TASP1: variants seen among roughly 807,000 people sequenced by gnomAD.
TASP1 encodes the protein threonine aspartase 1.
In TASP1, 16 loss-of-function variants were observed where a neutral mutation model predicts 56.6. The ratio of observed to expected loss-of-function variants is 0.28; its 90% CI spans 0.19 to 0.43. The LOEUF is 0.43. Ranked by LOEUF, TASP1 falls within the 20% of genes least tolerant of loss-of-function variation. The pLI is 1.00. For synonymous variants in TASP1, 179 were observed against 184.2 expected (o/e 0.97, Z 0.23); for missense variants, 393 against 511.6 (o/e 0.77, Z 2.24).
At chr20:13,430,470 G>A (rs2042768090) in intron 12 of TASP1, among the ~76,000 whole-genome samples, 1 of 152,168 alleles carries the variant, frequency 6.6e-6, no homozygotes, top group Non-Finnish European at 1.5e-5. Flanking sequence ...AGCAGCTGTT[G>A]GGAGGAAGTC....
At chr20:13,557,572 G>GGTTTTTTTTTTTTTTTT (rs1293106640) in intron 8 of TASP1, among the ~76,000 whole-genome samples, 3 of 99,738 alleles carry the variant, frequency 3.0e-5, no homozygotes, top group Non-Finnish European at 2.0e-5. Flanking sequence ...GATGTTTTTG[G>GGTTTTTTTTTTTTTTTT]TTTTTTTTTT....
chr20:13,425,643 T>C (rs899516654), intron 12 of TASP1, among the ~76,000 whole-genome samples: 1 of 152,160 alleles, frequency 6.6e-6, no homozygotes, highest in Admixed American at 6.6e-5. Context: ...TTAGGTCAAA[T>C]GGCACGCCCT....
At chr20:13,184,606 CA>C in the TASP1 span, among the ~76,000 whole-genome samples, 1 of 152,148 alleles carries the variant, frequency 6.6e-6, no homozygotes, top group Non-Finnish European at 1.5e-5. Flanking sequence ...ACATTGTTGT[CA>C]TGGACTTATG....
chr20:13,174,514 G>A, the TASP1 span, among the ~76,000 whole-genome samples: 2 of 151,954 alleles, frequency 1.3e-5, no homozygotes, highest in Admixed American at 6.6e-5. Flanking sequence ...CCTGGGCAAC[G>A]TGGTAAAACC....
chr20:13,520,305 A>G (rs2044694718), intron 10 of TASP1, among the ~76,000 whole-genome samples: 1 of 152,168 alleles, frequency 6.6e-6, no homozygotes, highest in African/African-American at 2.4e-5. Context: ...AAAAGAGCCC[A>G]CATTGCCAAG....
the TASP1 span, among the ~76,000 whole-genome samples, chr20:13,162,506 G>C: frequency 6.6e-6 from 1 of 152,116 alleles, no homozygotes; most frequent in African/African-American, 2.4e-5. Context: ...AGAGAAAATG[G>C]AAAATGACCC....
the TASP1 span, among the ~76,000 whole-genome samples, chr20:13,125,512 C>G: frequency 1.3e-5 from 2 of 152,190 alleles, no homozygotes; most frequent in Non-Finnish European, 2.9e-5. Flanking sequence ...TGTCTAAAAA[C>G]ACCACCATTT....
At chr20:13,554,584 A>T (rs1291638921) in intron 8 of TASP1, among the ~76,000 whole-genome samples, 1 of 152,184 alleles carries the variant, frequency 6.6e-6, no homozygotes, top group Admixed American at 6.5e-5. Context: ...TTTAAATTAC[A>T]GGCATAACTT....
At chr20:13,370,722 C>A in the TASP1 span, among the ~76,000 whole-genome samples, 2 of 151,950 alleles carry the variant, frequency 1.3e-5, no homozygotes, top group East Asian at 3.9e-4. Context: ...TAGAGTGGAC[C>A]CTAATCCATT....
chr20:13,615,190 G>A (rs956303596), intron 4 of TASP1, among the ~76,000 whole-genome samples: 3 of 152,064 alleles, frequency 2.0e-5, no homozygotes, highest in African/African-American at 7.2e-5. Flanking sequence ...CTCCAGAAAA[G>A]GGAAACATAA....
chr20:13,600,082 C>G (rs918624144), intron 4 of TASP1, among the ~76,000 whole-genome samples: 3 of 151,948 alleles, frequency 2.0e-5, no homozygotes, highest in Non-Finnish European at 4.4e-5. Flanking sequence ...ATAATACATA[C>G]AAGATCTGTA....
chr20:13,271,111 A>G, the TASP1 span, among the ~76,000 whole-genome samples: 2 of 152,256 alleles, frequency 1.3e-5, no homozygotes, highest in Non-Finnish European at 2.9e-5. Flanking sequence ...TGGCCGTTAT[A>G]GGAAAAGGCC....
At chr20:13,437,961 TC>T (rs898484467) in intron 11 of TASP1, among the ~76,000 whole-genome samples, 1 of 152,050 alleles carries the variant, frequency 6.6e-6, no homozygotes, top group African/African-American at 2.4e-5. Context: ...TTCAATGCCA[TC>T]CCCATCAAGC....
chr20:13,631,255 CA>C (rs1261645495), intron 1 of TASP1, among the ~76,000 whole-genome samples: 1 of 152,056 alleles, frequency 6.6e-6, no homozygotes, highest in Non-Finnish European at 1.5e-5. Flanking sequence ...TCGTTGCATT[CA>C]AATATTTATA....
chr20:13,586,174 CAAAAAAAAAA>C (rs35005769), intron 5 of TASP1, among the ~76,000 whole-genome samples: 2 of 53,202 alleles, frequency 3.8e-5, no homozygotes, highest in Admixed American at 2.5e-4. Flanking sequence ...GACTCCATCT[CAAAAAAAAAA>C]AAAAAAAAAA....
chr20:13,468,030 C>CAAAAACAAAAACAAAAACA (rs2044331007), intron 11 of TASP1, among the ~76,000 whole-genome samples: 1 of 140,712 alleles, frequency 7.1e-6, no homozygotes, highest in South Asian at 2.1e-4. Context: ...AAAACAAAAA[C>CAAAAACAAAAACAAAAACA]AAAAACAAAA....
chr20:13,578,369 A>C (rs2047004111), intron 6 of TASP1, among the ~76,000 whole-genome samples: 1 of 152,072 alleles, frequency 6.6e-6, no homozygotes, highest in South Asian at 2.1e-4. Flanking sequence ...TAGTTCATAA[A>C]TACTCTGGAT....
intron 12 of TASP1, among the ~76,000 whole-genome samples, chr20:13,423,299 C>A (rs942196258): frequency 5.9e-5 from 9 of 152,102 alleles, no homozygotes; most frequent in East Asian, 1.9e-4. Context: ...ACAAAAAAAA[C>A]CCCACACATT....
the TASP1 span, among the ~76,000 whole-genome samples, chr20:13,123,848 C>A: frequency 1.3e-5 from 2 of 151,692 alleles, no homozygotes; most frequent in East Asian, 3.9e-4. Context: ...ATTCCCAGGA[C>A]CCACCCACCC....
Sources: gnomAD v4.1 joint callset for allele counts (sites outside exome capture counted in the v4.1 genomes callset) on GRCh38, gnomAD v4.1.1 for gene constraint, MANE v1.5 for transcripts, NCBI Gene and HGNC (gene_info 2026-07-23, HGNC 2026-07-21) for gene names.